UMPS: variants seen among roughly 807,000 people sequenced by gnomAD.
The protein encoded by UMPS is uridine monophosphate synthetase.
Under a neutral mutation model 38.9 loss-of-function variants are expected in UMPS, and 21 were observed. The ratio of observed to expected loss-of-function variants is 0.54; its 90% confidence interval spans 0.38 to 0.78. The LOEUF is 0.78. UMPS is among the 30% of genes least tolerant of loss of function. UMPS has a pLI of 0.00. For synonymous variants in UMPS, 208 were observed against 219.3 expected (o/e 0.95, Z 0.45); for missense variants, 533 against 591.6 (o/e 0.90, Z 1.03).
At chr3:124,735,064 A>G in intron 1 of UMPS, 29 bp from the exon 2 acceptor site, 1 of 1,592,322 alleles carries the variant, frequency 6.3e-7, no homozygotes, top group Non-Finnish European at 8.6e-7. Context: ...TTACAATAAA[A>G]CATTGTTTAT....
chr3:124,744,755 A>G lies in UMPS; in HGVS notation c.*671A>G, dbSNP rs1235175259. On this transcript the variant is annotated 3_prime_UTR_variant, in exon 6 of 6. Transcript: ENST00000232607. ...TCTAGGGCACCAAGAGGCTAAAGTC[A>G]GCACAGCTTTTCTTGTGTCCTGTAT... 1 of 454,086 alleles carries G rather than the reference A, an allele frequency of 2.2e-6. No homozygotes were observed. The highest frequency in any genetic ancestry group is 1.6e-5 in the South Asian group (1 of 64,476). The allele number at this position is 454,086 out of a possible 1,614,324, so 28.1% of individuals were successfully genotyped here.
At chr3:124,743,380 G>A (rs1282522724) in intron 5 of UMPS, among the ~76,000 whole-genome samples, 1 of 150,654 alleles carries the variant, frequency 6.6e-6, no homozygotes, top group Non-Finnish European at 1.5e-5. Context: ...GCTCATGCCT[G>A]TAATCCCAGC....
At chr3:124,736,915 T>C (rs966858910) in intron 2 of UMPS, among the ~76,000 whole-genome samples, 3 of 152,236 alleles carry the variant, frequency 2.0e-5, no homozygotes, top group South Asian at 2.1e-4. Context: ...TATAATTCTT[T>C]AGATTGTAGT....
rs1434932283 is a variant in UMPS at position 124,744,129 on chromosome 3, A to C, written c.*45A>C. On this transcript the variant is annotated 3_prime_UTR_variant, in exon 6 of 6. Transcript: ENST00000232607. ...CAGATACAATGTGAAGACATTGAAG[A>C]TATGTGGTCCTCCTGAAAGTCACTG... The C allele has an allele frequency of 6.2e-7, 1 of 1,604,408 alleles. No individual in the cohort carries two copies. Among genetic ancestry groups the C allele is most frequent in the African/African-American group, 1.3e-5 (1 of 74,742 alleles).
chr3:124,737,898 C>T lies in UMPS; in HGVS notation c.641C>T (p.Ser214Phe), dbSNP rs2063528810. 2.5e-6 allele frequency: 4 copies of T among 1,614,092 alleles called. No homozygotes were observed. The highest frequency in any genetic ancestry group is 2.7e-5 in the African/African-American group (2 of 74,926). Residue 214 changes from serine (S) to phenylalanine (F), a missense_variant, in exon 3 of 6, where the codon TCT becomes TTT. By Grantham distance (155) the Ser-to-Phe change is radical (BLOSUM62 -2). Transcript: ENST00000232607. ...TTTGTGGCAGCGAATCATAATGGTT[C>T]TCCCCTTTCTATAAAGGAAGCACCC... ...NVFVAANHNG[S>F]PLSIKEAPKE... is the part of the protein sequence containing the mutation.
chr3:124,738,425 C>G, intron 3 of UMPS, 186 bp downstream of exon 3: 1 of 633,320 alleles, frequency 1.6e-6, no homozygotes, highest in Non-Finnish European at 2.8e-6. Context: ...GCTTTCTTCT[C>G]TGTTGACTTC....
At position 124,747,409 on chromosome 3, in the gene UMPS, C is replaced by T. The variant is rs1188815274; in HGVS notation, c.*3325C>T. ...TGGGTGCAGTTCTCATCCAAAGTAC[C>T]CGGTGGGTGGGAGTCACTCAGTACC... is the stretch of plus-strand genomic sequence containing the variant. On this transcript the variant is annotated 3_prime_UTR_variant, in exon 6 of 6. Transcript: ENST00000232607. The T allele has an allele frequency of 2.2e-6, 1 of 453,636 alleles. No individual in the cohort carries two copies. Among genetic ancestry groups the T allele is most frequent in the Non-Finnish European group, 4.4e-6 (1 of 225,994 alleles). 28.1% of individuals were successfully genotyped at this position (453,636 alleles called of 1,614,324 possible). A position where few individuals can be genotyped will look rare whatever the true frequency, so the allele number is the denominator to read the frequency against.
rs1255122707 is a variant in UMPS at position 124,746,211 on chromosome 3, T to G, written c.*2127T>G. On this transcript the variant is annotated 3_prime_UTR_variant, in exon 6 of 6. Coordinates refer to ENST00000232607, the MANE Select transcript of UMPS (RefSeq NM_000373.4). ...GAACCCTATTTCACAGGACCCCTGC[T>G]AAGGTGATTTGAGGGGAAATGAGAG... 7 of 453,994 alleles carry G rather than the reference T, an allele frequency of 1.5e-5. No homozygotes were observed. The Admixed American group carries it at 1.6e-4, about 11-fold the overall frequency. 28.1% of individuals were successfully genotyped at this position (453,994 alleles called of 1,614,324 possible). A position where few individuals can be genotyped will look rare whatever the true frequency, so the allele number is the denominator to read the frequency against.
chr3:124,744,547 T>TA lies in UMPS; in HGVS notation c.*464dup, dbSNP rs1458886768. 24 of 453,992 alleles carry TA rather than the reference T, an allele frequency of 5.3e-5. No homozygotes were observed. In the Admixed American group the frequency reaches 5.6e-4, roughly 11 times the overall value. The allele number at this position is 453,992 out of a possible 1,614,324, so 28.1% of individuals were successfully genotyped here. A position where few individuals can be genotyped will look rare whatever the true frequency, so the allele number is the denominator to read the frequency against. On this transcript the variant is annotated 3_prime_UTR_variant, in exon 6 of 6. Transcript: ENST00000232607. ...CCTCAGCTTCCAGATTAGCTGGTGCTATAGGCATGCACCACCACGTCCATC... is the reference window on the plus strand; with the variant it reads ...CCTCAGCTTCCAGATTAGCTGGTGCTAATAGGCATGCACCACCACGTCCATC...
chr3:124,742,223 A>G lies in UMPS; in HGVS notation c.1230A>G (p.Pro410=). 1.2e-6 allele frequency: 2 copies of G among 1,614,192 alleles called. No homozygotes were observed. Among genetic ancestry groups the G allele is most frequent in the Non-Finnish European group, 1.7e-6 (2 of 1,180,028 alleles). The change falls in exon 5 of 6, where the codon CCA becomes CCG. Residue 410 remains proline (P), a synonymous_variant. Transcript: ENST00000232607. ...CTGGCTCCCGAGTAAGCATGAAACC[A>G]GAATTTCTTCACTTGACTCCAGGAG... ...FISGSRVSMK[P]EFLHLTPGVQ... is the part of the protein sequence containing the mutation.
In UMPS at chr3:124,730,468, G is replaced by A; in HGVS notation, c.-4G>A. ...AATTTGAAGCAAACAGGCAGCGCGC[G>A]ACAATGGCGGTCGCTCGTGCAGCTT... is the stretch of plus-strand genomic sequence containing the variant. On this transcript the variant is annotated 5_prime_UTR_variant, in exon 1 of 6. Coordinates refer to ENST00000232607, the MANE Select transcript of UMPS (RefSeq NM_000373.4). The A allele has an allele frequency of 3.7e-6, 6 of 1,614,070 alleles. No homozygotes were observed. Among genetic ancestry groups the A allele is most frequent in the Non-Finnish European group, 5.1e-6 (6 of 1,179,960 alleles).
chr3:124,747,743 A>G lies in UMPS; in HGVS notation c.*3659A>G, dbSNP rs1449278032. The G allele has an allele frequency of 1.5e-5, 7 of 452,166 alleles. No individual in the cohort carries two copies. Among genetic ancestry groups the G allele is most frequent in the Non-Finnish European group, 2.7e-5 (6 of 225,224 alleles). The allele number at this position is 452,166 out of a possible 1,614,324, so 28.0% of individuals were successfully genotyped here. A position where few individuals can be genotyped will look rare whatever the true frequency, so the allele number is the denominator to read the frequency against. On this transcript the variant is annotated 3_prime_UTR_variant, in exon 6 of 6. Coordinates refer to ENST00000232607, the MANE Select transcript of UMPS (RefSeq NM_000373.4). The stretch of plus-strand genomic sequence containing the variant: ...ATCCAGCCTGGTTACCAGGAAGACA[A>G]AAACTGGGCTCCACCAGGAACCAGT...
In UMPS at chr3:124,746,419, C is replaced by T. The variant is rs1257544855; in HGVS notation, c.*2335C>T. 1 of 454,086 alleles carries T rather than the reference C, an allele frequency of 2.2e-6. No homozygotes were observed. Among genetic ancestry groups the T allele is most frequent in the Admixed American group, 2.3e-5 (1 of 42,576 alleles). The allele number at this position is 454,086 out of a possible 1,614,324, so 28.1% of individuals were successfully genotyped here. A position where few individuals can be genotyped will look rare whatever the true frequency, so the allele number is the denominator to read the frequency against. On this transcript the variant is annotated 3_prime_UTR_variant, in exon 6 of 6. Transcript: ENST00000232607. Reference sequence around the variant, plus strand: ...GTATTTCTATTGTGAAGAGTCAGCCCAGTACTGCAGGCCTCTTACCTAAGC... The same window carrying T: ...GTATTTCTATTGTGAAGAGTCAGCCTAGTACTGCAGGCCTCTTACCTAAGC...
chr3:124,740,165 G>A lies in UMPS; in HGVS notation c.1124G>A (p.Gly375Asp). 8 of 1,613,488 alleles carry A rather than the reference G, an allele frequency of 5.0e-6. No homozygotes were observed. The highest frequency in any genetic ancestry group is 6.8e-6 in the Non-Finnish European group (8 of 1,179,970). The change falls in exon 4 of 6, where the codon GGC (glycine) becomes GAC (aspartate). Residue 375 changes from glycine (G) to aspartate (D), a missense_variant. Gly to Asp is a moderately conservative substitution (Grantham distance 94). Coordinates refer to ENST00000232607, the MANE Select transcript of UMPS (RefSeq NM_000373.4). ...CTTATTGCGGAAATGAGCTCCACCG[G>A]CTCCCTGGCCACTGGGGACTACACT... ...CLLIAEMSST[G>D]SLATGDYTRA...
At chr3:124,740,296 C>CAAAA in intron 4 of UMPS, 97 bp downstream of exon 4, 1 of 1,139,940 alleles carries the variant, frequency 8.8e-7, no homozygotes, top group Non-Finnish European at 1.2e-6. Context: ...GAACCTCTGC[C>CAAAA]AAAAAAAAAA....
chr3:124,742,065 AAG>A, intron 4 of UMPS, 85 bp from the exon 5 acceptor site: 3 of 962,828 alleles, frequency 3.1e-6, no homozygotes, highest in Non-Finnish European at 3.1e-6. Flanking sequence ...TTTTTTTTTT[AAG>A]TTTTGAAAAA....
rs747692866 is a variant in UMPS, at chr3:124,745,643, C to T, written c.*1559C>T. 4.4e-6 allele frequency: 2 copies of T among 454,018 alleles called. No individual in the cohort carries two copies. Among genetic ancestry groups the T allele is most frequent in the South Asian group, 3.1e-5 (2 of 64,470 alleles). 28.1% of individuals were successfully genotyped at this position (454,018 alleles called of 1,614,324 possible). The stretch of plus-strand genomic sequence containing the variant: ...AGGGAAATGCTGTCTGTGGGAGAGA[C>T]CAACTCTCAAGGAAGAAGTGGCCAC... On this transcript the variant is annotated 3_prime_UTR_variant, in exon 6 of 6. Transcript: ENST00000232607.
Position 124,731,963 on chromosome 3 carries a change from TA to T in UMPS, c.156+1341del, listed in dbSNP as rs201240059. On this transcript the variant is annotated intron_variant, in intron 1 of 5. Coordinates refer to ENST00000232607, the MANE Select transcript of UMPS (RefSeq NM_000373.4). ...GCATGTGCCATCATGCCCACCAAAT[TA>T]AAAATTTTTTTTTTTTGTAGAGAGG... 4.2e-4 allele frequency among the ~76,000 whole-genome samples: 60 copies of T among 143,006 alleles called. No homozygotes were observed. In the South Asian group the frequency reaches 0.012, roughly 28 times the overall value. 93.8% of individuals were successfully genotyped at this position (143,006 alleles called of 152,430 possible).
In UMPS at chr3:124,747,925, G is replaced by GT. The variant is rs1160892674; in HGVS notation, c.*3843dup. ...AACCCTGTGGACTCTCTGCAGCTTGGTTCCTTTGCCCCTTAACAGGTGGGT... is the reference window on the plus strand; with the variant it reads ...AACCCTGTGGACTCTCTGCAGCTTGGTTTCCTTTGCCCCTTAACAGGTGGGT... On this transcript the variant is annotated 3_prime_UTR_variant, in exon 6 of 6. Coordinates refer to ENST00000232607, the MANE Select transcript of UMPS (RefSeq NM_000373.4). 2 of 453,798 alleles carry GT rather than the reference G, an allele frequency of 4.4e-6. No homozygotes were observed. The highest frequency in any genetic ancestry group is 4.4e-6 in the Non-Finnish European group (1 of 226,694). The allele number at this position is 453,798 out of a possible 1,614,324, so 28.1% of individuals were successfully genotyped here. A position where few individuals can be genotyped will look rare whatever the true frequency, so the allele number is the denominator to read the frequency against.
Sources: allele counts gnomAD v4.1 joint callset (sites outside exome capture counted in the v4.1 genomes callset), GRCh38; gene constraint gnomAD v4.1.1; transcripts MANE v1.5; gene names NCBI Gene and HGNC (gene_info 2026-07-23, HGNC 2026-07-21).